AHCYL2: variants seen among roughly 807,000 people sequenced by gnomAD.
AHCYL2 encodes the protein S-adenosylhomocysteine hydrolase-like protein 2.
A neutral mutation model predicts 81.4 loss-of-function variants in AHCYL2; 28 were observed. The observed-to-expected ratio is 0.34, with a 90% CI of 0.25 to 0.47. The LOEUF is 0.47. Ranked by LOEUF, AHCYL2 falls within the 20% of genes least tolerant of loss-of-function variation. AHCYL2 has a pLI of 1.00. For synonymous variants in AHCYL2, 272 were observed against 290.2 expected (o/e 0.94, Z 0.64); for missense variants, 551 against 785.1 (o/e 0.70, Z 3.56).
chr7:129,281,782 G>A (rs1796457877), intron 1 of AHCYL2, among the ~76,000 whole-genome samples: 1 of 152,170 alleles, frequency 6.6e-6, no homozygotes, highest in Admixed American at 6.5e-5. Context: ...ACAGGCGTGA[G>A]CCACTGCACC....
intron 1 of AHCYL2, among the ~76,000 whole-genome samples, chr7:129,253,817 A>C (rs1315200860): frequency 2.6e-5 from 4 of 152,190 alleles, no homozygotes; most frequent in African/African-American, 9.6e-5. Context: ...TAGAATGCAA[A>C]TGTTTCAAAA....
At chr7:129,266,651 A>G (rs1241599748) in intron 1 of AHCYL2, among the ~76,000 whole-genome samples, 5 of 152,240 alleles carry the variant, frequency 3.3e-5, no homozygotes, top group Non-Finnish European at 7.3e-5. Flanking sequence ...CAAATCACTC[A>G]TATAATTGAG....
intron 1 of AHCYL2, among the ~76,000 whole-genome samples, chr7:129,316,646 T>C (rs1488521470): frequency 6.6e-6 from 1 of 152,220 alleles, no homozygotes; most frequent in East Asian, 1.9e-4. Context: ...ATGCACAGTA[T>C]ATTAAGCACT....
At chr7:129,348,296 T>G (rs1054422064) in intron 1 of AHCYL2, among the ~76,000 whole-genome samples, 2 of 152,122 alleles carry the variant, frequency 1.3e-5, no homozygotes, top group Admixed American at 1.3e-4. Flanking sequence ...ACTCTGTATA[T>G]GGATAGTGAA....
At position 129,390,270 on chromosome 7, in the gene AHCYL2, G is replaced by T. The variant is rs560195882; in HGVS notation, c.720+536G>T. Among the ~76,000 whole-genome samples, 3 of 152,210 alleles carry T rather than the reference G, an allele frequency of 2.0e-5. No individual in the cohort carries two copies. The South Asian group carries it at 6.2e-4, about 32-fold the overall frequency. ...TTACATAGCATTTACACTGTATTGG[G>T]TACTATAAATAACCTAGAGATGCTT... On this transcript the variant is annotated intron_variant, in intron 4 of 16. Transcript: ENST00000325006.
intron 1 of AHCYL2, among the ~76,000 whole-genome samples, chr7:129,348,714 C>T (rs1218470217): frequency 1.3e-5 from 2 of 152,132 alleles, no homozygotes; most frequent in African/African-American, 4.8e-5. Flanking sequence ...CGTTGTTTGT[C>T]CCTTCCCCTC....
At chr7:129,390,092 A>C (rs1471458797) in intron 4 of AHCYL2, among the ~76,000 whole-genome samples, 1 of 152,126 alleles carries the variant, frequency 6.6e-6, no homozygotes, top group Non-Finnish European at 1.5e-5. Context: ...GTTTTTTCCT[A>C]TACATATATA....
chr7:129,358,407 A>AC (rs1389139532), intron 1 of AHCYL2, among the ~76,000 whole-genome samples: 2 of 152,168 alleles, frequency 1.3e-5, no homozygotes, highest in Non-Finnish European at 2.9e-5. Flanking sequence ...CACACAAAAA[A>AC]AAAAACAAAA....
chr7:129,352,517 TTCTC>T (rs1012771862), intron 1 of AHCYL2, among the ~76,000 whole-genome samples: 1 of 152,132 alleles, frequency 6.6e-6, no homozygotes, highest in Non-Finnish European at 1.5e-5. Context: ...CCACAAAACT[TTCTC>T]TCTTTCACCC....
intron 5 of AHCYL2, among the ~76,000 whole-genome samples, chr7:129,398,829 T>C (rs887239821): frequency 2.6e-4 from 40 of 152,096 alleles, no homozygotes; most frequent in African/African-American, 9.4e-4. Context: ...ATATAATAAA[T>C]GCCATGACAG....
At chr7:129,364,642 C>T (rs1358668190) in intron 1 of AHCYL2, among the ~76,000 whole-genome samples, 1 of 152,180 alleles carries the variant, frequency 6.6e-6, no homozygotes, top group Non-Finnish European at 1.5e-5. Flanking sequence ...CTAGTCTACA[C>T]TATCAATATA....
Position 129,249,472 on chromosome 7 carries a change from G to A in AHCYL2, c.363+24033G>A, listed in dbSNP as rs559272191. ...CTTGCTCTGTCGCCCAGGCCGGACT[G>A]CGGACTGCAGTGGCGCAATCTCGGC... On this transcript the variant is annotated intron_variant, in intron 1 of 16. Coordinates refer to ENST00000325006, the MANE Select transcript of AHCYL2 (RefSeq NM_015328.4). Among the ~76,000 whole-genome samples the A allele has an allele frequency of 4.6e-5, 7 of 151,146 alleles. No individual in the cohort carries two copies. In the South Asian group the frequency reaches 1.3e-3, roughly 27 times the overall value.
intron 1 of AHCYL2, among the ~76,000 whole-genome samples, chr7:129,340,294 G>T (rs1212761580): frequency 6.7e-6 from 1 of 149,732 alleles, no homozygotes; most frequent in African/African-American, 2.4e-5. Flanking sequence ...CAGGCCGGGC[G>T]CGGTGGCTCA....
At chr7:129,226,941 G>T (rs1563157318) in intron 1 of AHCYL2, among the ~76,000 whole-genome samples, 1 of 152,104 alleles carries the variant, frequency 6.6e-6, no homozygotes, top group South Asian at 2.1e-4. Flanking sequence ...TCATTTTCTT[G>T]TGATAAAGAC....
At chr7:129,382,616 T>A (rs531540179) in intron 2 of AHCYL2, among the ~76,000 whole-genome samples, 2 of 151,082 alleles carry the variant, frequency 1.3e-5, no homozygotes, top group Non-Finnish European at 2.9e-5. Flanking sequence ...TAAAAAAAAA[T>A]AATTTTAGGC....
chr7:129,277,527 G>A (rs746712271), intron 1 of AHCYL2, among the ~76,000 whole-genome samples: 2 of 152,014 alleles, frequency 1.3e-5, no homozygotes, highest in Admixed American at 6.6e-5. Context: ...CAATCCACCT[G>A]CCTCGGCCTC....
chr7:129,354,815 C>T (rs529892874), intron 1 of AHCYL2, among the ~76,000 whole-genome samples: 1 of 152,270 alleles, frequency 6.6e-6, no homozygotes, highest in Admixed American at 6.5e-5. Context: ...ATGGACCTCA[C>T]AGAAGGGATT....
At chr7:129,316,283 T>C (rs1210194749) in intron 1 of AHCYL2, among the ~76,000 whole-genome samples, 2 of 152,098 alleles carry the variant, frequency 1.3e-5, no homozygotes, top group African/African-American at 4.8e-5. Flanking sequence ...GCATGCAGGG[T>C]TGACTGAATT....
intron 1 of AHCYL2, among the ~76,000 whole-genome samples, chr7:129,245,810 A>G (rs190098112): frequency 6.6e-6 from 1 of 152,318 alleles, no homozygotes; most frequent in East Asian, 1.9e-4. Flanking sequence ...TTCTATGAAC[A>G]TTGCCATACA....
Sources: gnomAD v4.1 joint callset for allele counts (sites outside exome capture counted in the v4.1 genomes callset) on GRCh38, gnomAD v4.1.1 for gene constraint, MANE v1.5 for transcripts, NCBI Gene and HGNC (gene_info 2026-07-23, HGNC 2026-07-21) for gene names.